PPFIA2: variants seen among roughly 807,000 people sequenced by gnomAD.
PPFIA2 encodes the protein liprin-alpha-2.
PPFIA2 carries 46 observed loss-of-function variants against 175.5 expected under a neutral mutation model. That is an observed-to-expected ratio of 0.26 (90% CI 0.21 to 0.34). PPFIA2 has a LOEUF of 0.34. PPFIA2 is among the 10% of genes least tolerant of loss of function. PPFIA2 has a pLI of 1.00. For synonymous variants in PPFIA2, 568 were observed against 511.4 expected (o/e 1.11, Z -1.49); for missense variants, 1,179 against 1,506.1 (o/e 0.78, Z 3.60).
intron 4 of PPFIA2, among the ~76,000 whole-genome samples, chr12:81,652,041 G>T (rs568939201): frequency 6.6e-6 from 1 of 151,450 alleles, no homozygotes; most frequent in Admixed American, 6.6e-5. Context: ...TTCTTTATTT[G>T]TAAAGTAAGG....
At chr12:81,585,015 TATATAATATATTAATTATATTTA>T in intron 4 of PPFIA2, among the ~76,000 whole-genome samples, 1 of 83,994 alleles carries the variant, frequency 1.2e-5, no homozygotes, top group African/African-American at 4.5e-5. Flanking sequence ...ATTATATTTA[TATATAATATATTAATTATATTTA>T]TATATAATAT....
intron 4 of PPFIA2, among the ~76,000 whole-genome samples, chr12:81,516,631 C>T (rs1410105912): frequency 6.6e-6 from 1 of 152,112 alleles, no homozygotes; most frequent in African/African-American, 2.4e-5. Context: ...ATCTACAACA[C>T]AAGGAATCTG....
chr12:81,622,765 A>T (rs2062210620), intron 4 of PPFIA2, among the ~76,000 whole-genome samples: 1 of 152,136 alleles, frequency 6.6e-6, no homozygotes. Context: ...CCTGGCTTTC[A>T]TTTTTATGTT....
intron 4 of PPFIA2, among the ~76,000 whole-genome samples, chr12:81,560,659 A>C (rs1177319262): frequency 3.3e-5 from 5 of 152,130 alleles, no homozygotes; most frequent in Admixed American, 6.5e-5. Flanking sequence ...GTGTTCAAAA[A>C]TTTGCCTTTA....
chr12:81,566,613 C>T (rs1244538375), intron 4 of PPFIA2, among the ~76,000 whole-genome samples: 1 of 149,550 alleles, frequency 6.7e-6, no homozygotes, highest in Non-Finnish European at 1.5e-5. Flanking sequence ...GTGTCTTTAT[C>T]AACTAGGATT....
At chr12:81,670,109 G>A (rs2071130929) in intron 4 of PPFIA2, among the ~76,000 whole-genome samples, 1 of 151,902 alleles carries the variant, frequency 6.6e-6, no homozygotes, top group Non-Finnish European at 1.5e-5. Flanking sequence ...AGGTTTGTAA[G>A]AGTGATAGAG....
At chr12:81,319,588 G>A (rs913116673) in intron 22 of PPFIA2, among the ~76,000 whole-genome samples, 1 of 151,842 alleles carries the variant, frequency 6.6e-6, no homozygotes, top group Admixed American at 6.6e-5. Context: ...TTTTCCTGCA[G>A]TAATTGTGTC....
At chr12:81,717,450 T>C (rs1193616232) in intron 3 of PPFIA2, among the ~76,000 whole-genome samples, 1 of 151,834 alleles carries the variant, frequency 6.6e-6, no homozygotes, top group East Asian at 1.9e-4. Flanking sequence ...TTTATATTAA[T>C]GAGCCTCTTT....
chr12:81,622,123 T>G (rs1243451824), intron 4 of PPFIA2, among the ~76,000 whole-genome samples: 1 of 152,184 alleles, frequency 6.6e-6, no homozygotes, highest in Non-Finnish European at 1.5e-5. Context: ...CTGAAGCACA[T>G]TCCTCCACTA....
chr12:81,534,576 C>T (rs1424582334), intron 4 of PPFIA2, among the ~76,000 whole-genome samples: 2 of 151,514 alleles, frequency 1.3e-5, no homozygotes, highest in South Asian at 2.1e-4. Context: ...TATAAGGGAC[C>T]CTAAGCACTA....
chr12:81,696,390 T>C (rs1393778544), intron 3 of PPFIA2, among the ~76,000 whole-genome samples: 2 of 152,140 alleles, frequency 1.3e-5, no homozygotes, highest in Non-Finnish European at 2.9e-5. Context: ...TTAACTCTCA[T>C]CATCCAGTCA....
Position 81,679,299 on chromosome 12 carries a change from T to C in PPFIA2, c.250-2455A>G, listed in dbSNP as rs541214012. 5.3e-5 allele frequency among the ~76,000 whole-genome samples: 8 copies of C among 152,024 alleles called. 1 individual carries two copies. The South Asian group carries it at 1.7e-3, about 31-fold the overall frequency. Reference sequence around the variant, plus strand: ...ATGAAAAAAAGATACCAAGTGCATTTGGAGTTAATACATGTCTTTCTTTGT... The same window carrying C: ...ATGAAAAAAAGATACCAAGTGCATTCGGAGTTAATACATGTCTTTCTTTGT... On this transcript the variant is annotated intron_variant, in intron 3 of 32. Coordinates refer to ENST00000549396, the MANE Select transcript of PPFIA2 (RefSeq NM_003625.5).
intron 3 of PPFIA2, among the ~76,000 whole-genome samples, chr12:81,705,615 A>G (rs116958010): frequency 4.6e-5 from 7 of 152,308 alleles, no homozygotes; most frequent in Non-Finnish European, 8.8e-5. Flanking sequence ...TACAAGCACA[A>G]TATCTCAGTG....
At chr12:81,668,093 T>C (rs1044217394) in intron 4 of PPFIA2, among the ~76,000 whole-genome samples, 8 of 152,096 alleles carry the variant, frequency 5.3e-5, no homozygotes, top group African/African-American at 1.4e-4. Flanking sequence ...ATCATTGACA[T>C]AGGCAATTGC....
chr12:81,376,897 G>A (rs529328841), intron 9 of PPFIA2, among the ~76,000 whole-genome samples: 1 of 152,006 alleles, frequency 6.6e-6, no homozygotes, highest in South Asian at 2.1e-4. Flanking sequence ...ACAGGGTCCA[G>A]AGCCAGTCCT....
At chr12:81,691,511 G>GC in intron 3 of PPFIA2, among the ~76,000 whole-genome samples, 1 of 152,144 alleles carries the variant, frequency 6.6e-6, no homozygotes, top group South Asian at 2.1e-4. Flanking sequence ...CTGTTCTGTG[G>GC]CATTGAATGC....
At chr12:81,327,716 AT>A (rs1243108342) in intron 21 of PPFIA2, among the ~76,000 whole-genome samples, 1 of 152,138 alleles carries the variant, frequency 6.6e-6, no homozygotes, top group African/African-American at 2.4e-5. Flanking sequence ...TATGATTTAA[AT>A]TTATTCATAT....
intron 4 of PPFIA2, among the ~76,000 whole-genome samples, chr12:81,572,163 G>T (rs1336893938): frequency 6.6e-6 from 1 of 151,944 alleles, no homozygotes; most frequent in Non-Finnish European, 1.5e-5. Flanking sequence ...CATATTTGCT[G>T]CTCCTTGTCT....
At chr12:81,660,693 A>G (rs2068671749) in intron 4 of PPFIA2, among the ~76,000 whole-genome samples, 1 of 152,184 alleles carries the variant, frequency 6.6e-6, no homozygotes, top group Admixed American at 6.5e-5. Context: ...GGAAATACAG[A>G]GAACGCCACA....
Sources: gnomAD v4.1 joint callset for allele counts (sites outside exome capture counted in the v4.1 genomes callset) on GRCh38, gnomAD v4.1.1 for gene constraint, MANE v1.5 for transcripts, NCBI Gene and HGNC (gene_info 2026-07-23, HGNC 2026-07-21) for gene names.